TTLL11: variants seen among roughly 807,000 people sequenced by gnomAD.
TTLL11 encodes tubulin tyrosine ligase like 11, also known as tubulin polyglutamylase TTLL11.
Under a neutral mutation model 51.7 loss-of-function variants are expected in TTLL11, and 42 were observed. That is an observed-to-expected ratio of 0.81 (90% CI 0.64 to 1.05). The LOEUF (loss-of-function observed/expected upper bound fraction) is 1.05, where lower values mean the gene tolerates loss of function less well. Ranked by LOEUF, TTLL11 falls within the 50% of genes least tolerant of loss-of-function variation. The pLI is 0.00. For synonymous variants in TTLL11, 381 were observed against 383.5 expected (o/e 0.99, Z 0.08); for missense variants, 799 against 940.4 (o/e 0.85, Z 1.97).
chr9:121,917,968 CA>C (rs1404088283), intron 6 of TTLL11, among the ~76,000 whole-genome samples: 1 of 147,936 alleles, frequency 6.8e-6, no homozygotes, highest in Non-Finnish European at 1.5e-5. Flanking sequence ...AAAAAGTAGG[CA>C]TTTTTTTTTT....
intron 1 of TTLL11, among the ~76,000 whole-genome samples, chr9:122,055,216 G>GATAC (rs1306423499): frequency 4.0e-5 from 6 of 150,314 alleles, no homozygotes; most frequent in African/African-American, 1.2e-4. Context: ...TAGATAGATA[G>GATAC]ATAGATAGAT....
intron 1 of TTLL11, among the ~76,000 whole-genome samples, chr9:122,054,098 C>T (rs1007541579): frequency 3.2e-5 from 4 of 126,794 alleles, no homozygotes; most frequent in Non-Finnish European, 5.0e-5. Flanking sequence ...GGTAAGCGTG[C>T]CATTCATCCT....
At chr9:122,042,058 G>A (rs927469216) in intron 1 of TTLL11, among the ~76,000 whole-genome samples, 6 of 149,244 alleles carry the variant, frequency 4.0e-5, no homozygotes, top group Admixed American at 1.3e-4. Flanking sequence ...CACCCAGGCT[G>A]GAGTGCAGTG....
intron 1 of TTLL11, among the ~76,000 whole-genome samples, chr9:122,069,531 A>C (rs1391361254): frequency 6.6e-6 from 1 of 152,034 alleles, no homozygotes; most frequent in Non-Finnish European, 1.5e-5. Flanking sequence ...AAAATACAAA[A>C]ATTATCTGGG....
Position 122,031,766 on chromosome 9 carries a change from C to T in TTLL11, c.650G>A (p.Arg217His), listed in dbSNP as rs761402466. The change falls in exon 3 of 9, where the codon CGC becomes CAC. Residue 217 changes from arginine to histidine, a missense_variant. By Grantham distance (29) the Arg-to-His change is conservative. Coordinates refer to ENST00000321582, the MANE Select transcript of TTLL11 (RefSeq NM_001139442.2). ...LFPEEYNFYP[R>H]SWILPDEFQL... ...GAACTCGTCAGGCAGAATCCATGAG[C>T]GAGGGTAGAAGTTGTACTCCTCAGG... 32 of 1,613,386 alleles carry T rather than the reference C, an allele frequency of 2.0e-5. No homozygotes were observed. In the South Asian group the frequency reaches 3.0e-4, roughly 15 times the overall value.
intron 8 of TTLL11, among the ~76,000 whole-genome samples, chr9:121,824,199 G>A (rs554183697): frequency 6.6e-6 from 1 of 152,258 alleles, no homozygotes; most frequent in East Asian, 1.9e-4. Context: ...ACTGATGGCA[G>A]GGTGCGGTGG....
intron 8 of TTLL11, among the ~76,000 whole-genome samples, chr9:121,833,027 A>AG (rs11430836): frequency 0.62 from 94,776 of 151,880 alleles, 29,990 homozygotes; most frequent in East Asian, 0.79. Flanking sequence ...CATTTAGAAC[A>AG]AAACAATACC....
chr9:121,837,316 T>G (rs10818601), intron 8 of TTLL11, among the ~76,000 whole-genome samples: 2 of 90,868 alleles, frequency 2.2e-5, no homozygotes, highest in Non-Finnish European at 4.5e-5. Context: ...GGGTCAAGTA[T>G]TATTTTTACT....
intron 6 of TTLL11, among the ~76,000 whole-genome samples, chr9:121,948,898 C>T (rs543105802): frequency 6.6e-6 from 1 of 152,320 alleles, no homozygotes; most frequent in South Asian, 2.1e-4. Flanking sequence ...CTGATGCAAG[C>T]TTTGGGCACA....
chr9:121,961,762 G>C (rs541677584), intron 6 of TTLL11, among the ~76,000 whole-genome samples: 2 of 152,270 alleles, frequency 1.3e-5, no homozygotes, highest in African/African-American at 4.8e-5. Flanking sequence ...CCTTATAAAA[G>C]GGAGAAAAAT....
chr9:121,928,155 A>G (rs73662526), intron 6 of TTLL11, among the ~76,000 whole-genome samples: 11,730 of 152,198 alleles, frequency 0.077, 652 homozygotes, highest in African/African-American at 0.16. Context: ...CTGTGATTCG[A>G]TAAAATCAAG....
chr9:121,934,209 G>A (rs1366108551), intron 6 of TTLL11, among the ~76,000 whole-genome samples: 3 of 149,626 alleles, frequency 2.0e-5, no homozygotes, highest in Non-Finnish European at 4.4e-5. Context: ...CCCCAGCCTG[G>A]GCAACAAGAG....
intron 6 of TTLL11, among the ~76,000 whole-genome samples, chr9:121,906,352 A>AAG (rs879503911): frequency 8.6e-5 from 13 of 152,046 alleles, no homozygotes; most frequent in Non-Finnish European, 1.5e-4. Flanking sequence ...TTTAAAAAAA[A>AAG]AAAAATCTGT....
At chr9:121,912,330 G>C (rs927142511) in intron 6 of TTLL11, among the ~76,000 whole-genome samples, 7 of 152,092 alleles carry the variant, frequency 4.6e-5, no homozygotes, top group Admixed American at 3.3e-4. Context: ...TTCAAACCCG[G>C]GTCCCCGAGG....
intron 6 of TTLL11, among the ~76,000 whole-genome samples, chr9:121,960,622 C>T (rs1842190772): frequency 6.6e-6 from 1 of 152,168 alleles, no homozygotes; most frequent in Non-Finnish European, 1.5e-5. Context: ...AGCACAGAAC[C>T]TACATGTAGC....
intron 1 of TTLL11, among the ~76,000 whole-genome samples, chr9:122,062,567 C>A (rs1232468940): frequency 7.4e-6 from 1 of 135,768 alleles, no homozygotes; most frequent in Non-Finnish European, 1.5e-5. Flanking sequence ...TTCCCGGGTT[C>A]AAGCAATTCT....
At chr9:121,895,179 CTT>C (rs1839410873) in intron 6 of TTLL11, among the ~76,000 whole-genome samples, 1 of 152,130 alleles carries the variant, frequency 6.6e-6, no homozygotes, top group African/African-American at 2.4e-5. Context: ...TTTCAGAATC[CTT>C]CTCTCTTTCA....
intron 1 of TTLL11, among the ~76,000 whole-genome samples, chr9:122,063,347 T>C (rs538737226): frequency 6.6e-5 from 10 of 152,214 alleles, no homozygotes; most frequent in Non-Finnish European, 1.5e-4. Flanking sequence ...ATCAGATCTA[T>C]TGTTGATTTT....
chr9:122,065,618 C>G (rs1163746087), intron 1 of TTLL11, among the ~76,000 whole-genome samples: 4 of 152,292 alleles, frequency 2.6e-5, no homozygotes, highest in African/African-American at 7.2e-5. Context: ...GATTTAGAAT[C>G]CAAACAACCC....
Sources: gnomAD v4.1 joint callset for allele counts (sites outside exome capture counted in the v4.1 genomes callset) on GRCh38, gnomAD v4.1.1 for gene constraint, MANE v1.5 for transcripts, NCBI Gene and HGNC (gene_info 2026-07-23, HGNC 2026-07-21) for gene names.